Variants in PRR16 observed in about 807,000 individuals in gnomAD.
PRR16 encodes protein Largen.
PRR16 carries 6 observed loss-of-function variants against 18.2 expected under a neutral mutation model. That is an observed-to-expected ratio of 0.33 (90% confidence interval 0.18 to 0.65). PRR16 has a LOEUF of 0.65. Among genes scored for constraint, PRR16 ranks in the 30% least tolerant of loss-of-function variants. The probability of loss-of-function intolerance (pLI) is 0.74; values close to 1 mark genes in which losing one functional copy is unlikely to be tolerated. For missense variants in PRR16, 412 were observed against 376.6 expected (o/e 1.09, Z -0.78); for synonymous variants, 151 against 147.8 (o/e 1.02, Z -0.16).
At chr5:120,643,900 G>A (rs930438618) in intron 1 of PRR16, among the ~76,000 whole-genome samples, 2 of 152,102 alleles carry the variant, frequency 1.3e-5, no homozygotes, top group East Asian at 1.9e-4. Context: ...AGCTACTCAG[G>A]AAGCTGAGAC....
At chr5:120,646,245 A>G (rs978816555) in intron 1 of PRR16, among the ~76,000 whole-genome samples, 10 of 151,792 alleles carry the variant, frequency 6.6e-5, no homozygotes, top group African/African-American at 2.4e-4. Context: ...TTGTCATCTT[A>G]CATCTATCAT....
At chr5:120,590,312 CCTT>C (rs556269916) in intron 1 of PRR16, among the ~76,000 whole-genome samples, 1 of 152,042 alleles carries the variant, frequency 6.6e-6, no homozygotes, top group Non-Finnish European at 1.5e-5. Flanking sequence ...CCCATTCAGT[CCTT>C]CTGTGTCCTA....
chr5:120,541,211 A>G (rs1024714315), intron 1 of PRR16, among the ~76,000 whole-genome samples: 3 of 152,144 alleles, frequency 2.0e-5, no homozygotes, highest in Admixed American at 6.5e-5. Context: ...CAGTAGCGCA[A>G]TCTCGGCTCA....
chr5:120,637,825 A>G (rs1321938595), intron 1 of PRR16, among the ~76,000 whole-genome samples: 1 of 152,120 alleles, frequency 6.6e-6, no homozygotes, highest in African/African-American at 2.4e-5. Context: ...ACAGAGTGGG[A>G]GACCCCATCT....
chr5:120,696,552 A>C, the PRR16 span, among the ~76,000 whole-genome samples: 1 of 152,212 alleles, frequency 6.6e-6, no homozygotes, highest in Non-Finnish European at 1.5e-5. Context: ...AGGCTGAATA[A>C]ACTTGTGAAA....
intron 1 of PRR16, among the ~76,000 whole-genome samples, chr5:120,561,097 C>A (rs1215584437): frequency 6.6e-6 from 1 of 151,220 alleles, no homozygotes; most frequent in African/African-American, 2.4e-5. Flanking sequence ...TTTTTGTTTT[C>A]TTTGTTTTAA....
chr5:120,662,502 T>C (rs922353965), intron 1 of PRR16, among the ~76,000 whole-genome samples: 1 of 152,122 alleles, frequency 6.6e-6, no homozygotes, highest in African/African-American at 2.4e-5. Context: ...GTATATCTTA[T>C]GTATTTTTGT....
intron 1 of PRR16, among the ~76,000 whole-genome samples, chr5:120,643,282 T>G (rs1282455748): frequency 6.6e-6 from 1 of 152,104 alleles, no homozygotes; most frequent in Non-Finnish European, 1.5e-5. Context: ...CTTCTCTATT[T>G]TATTATGAGT....
At chr5:120,631,766 C>G (rs148976279) in intron 1 of PRR16, among the ~76,000 whole-genome samples, 2 of 152,050 alleles carry the variant, frequency 1.3e-5, no homozygotes, top group Non-Finnish European at 1.5e-5. Flanking sequence ...CCCTGGTAGC[C>G]GAAGACAAAG....
intron 1 of PRR16, among the ~76,000 whole-genome samples, chr5:120,482,495 G>A (rs978786718): frequency 2.6e-5 from 4 of 152,108 alleles, no homozygotes; most frequent in African/African-American, 4.8e-5. Context: ...ATTCCATGGT[G>A]TATATGTACC....
intron 1 of PRR16, among the ~76,000 whole-genome samples, chr5:120,655,683 C>G (rs1258327599): frequency 6.6e-6 from 1 of 150,986 alleles, no homozygotes; most frequent in African/African-American, 2.4e-5. Context: ...ACCATGCAAT[C>G]ACATGACTCA....
the PRR16 span, among the ~76,000 whole-genome samples, chr5:120,738,942 A>T: frequency 6.6e-6 from 1 of 152,192 alleles, no homozygotes; most frequent in Non-Finnish European, 1.5e-5. Context: ...GAATTTTTGT[A>T]TGACATTAAT....
At chr5:120,580,672 G>A (rs1753243335) in intron 1 of PRR16, among the ~76,000 whole-genome samples, 1 of 151,980 alleles carries the variant, frequency 6.6e-6, no homozygotes. Context: ...AGCCAGGATG[G>A]TCTTGATCTC....
At chr5:120,777,894 T>C in the PRR16 span, among the ~76,000 whole-genome samples, 1 of 152,138 alleles carries the variant, frequency 6.6e-6, no homozygotes, top group Non-Finnish European at 1.5e-5. Flanking sequence ...GTTGACTTTA[T>C]TAGACTCTAT....
the PRR16 span, among the ~76,000 whole-genome samples, chr5:120,759,531 G>C: frequency 0.018 from 2,787 of 152,190 alleles, 52 homozygotes; most frequent in Non-Finnish European, 0.026. Context: ...AGGAGGCATA[G>C]AGGGTTGAAT....
At chr5:120,640,315 T>C (rs984801538) in intron 1 of PRR16, among the ~76,000 whole-genome samples, 9 of 152,186 alleles carry the variant, frequency 5.9e-5, no homozygotes, top group Admixed American at 4.6e-4. Context: ...GAAAAAAAAT[T>C]CTCATGGTCA....
At chr5:120,555,523 G>A (rs1025995224) in intron 1 of PRR16, among the ~76,000 whole-genome samples, 1 of 151,652 alleles carries the variant, frequency 6.6e-6, no homozygotes, top group East Asian at 1.9e-4. Flanking sequence ...GGGTGTGTGT[G>A]TGGGAGAGAT....
At chr5:120,784,250 G>A in the PRR16 span, among the ~76,000 whole-genome samples, 2 of 152,132 alleles carry the variant, frequency 1.3e-5, no homozygotes, top group Non-Finnish European at 2.9e-5. Flanking sequence ...GGATCATGTG[G>A]TAGTTCTACT....
the PRR16 span, among the ~76,000 whole-genome samples, chr5:120,754,245 T>TATTATAATATATAATATATA: frequency 9.5e-6 from 1 of 105,494 alleles, no homozygotes; most frequent in South Asian, 2.5e-4. Context: ...TATAATTAGA[T>TATTATAATATATAATATATA]ATTATAATAT....
Sources: allele counts gnomAD v4.1 joint callset (sites outside exome capture counted in the v4.1 genomes callset), GRCh38; gene constraint gnomAD v4.1.1; transcripts MANE v1.5; gene names NCBI Gene and HGNC (gene_info 2026-07-23, HGNC 2026-07-21).